The following APOB variants were observed in gnomAD, a reference collection of about 807,000 sequenced individuals.
APOB encodes apolipoprotein B-100.
In APOB, 153 loss-of-function variants were observed where a neutral mutation model predicts 314.1. The observed-to-expected ratio is 0.49, with a 90% CI of 0.43 to 0.56. The LOEUF (loss-of-function observed/expected upper bound fraction) is 0.56, where lower values mean the gene tolerates loss of function less well. Ranked by LOEUF, APOB falls within the 20% of genes least tolerant of loss-of-function variation. The pLI is 0.00. For missense variants in APOB, 5,430 were observed against 5,350.7 expected (o/e 1.01, Z -0.46); for synonymous variants, 2,087 against 2,036.4 (o/e 1.02, Z -0.67).
At position 21,004,414 on chromosome 2, in the gene APOB, G is replaced by A. The variant is rs886055575; in HGVS notation, c.11942C>T (p.Pro3981Leu). 5.6e-6 allele frequency: 9 copies of A among 1,613,868 alleles called. No homozygotes were observed. The highest frequency in any genetic ancestry group is 2.7e-5 in the African/African-American group (2 of 74,882). Residue 3981 changes from proline to leucine, a missense_variant, in exon 28 of 29, where the codon CCA becomes CTA. Physicochemically the swap from Pro to Leu is moderately conservative, Grantham distance 98. Coordinates refer to ENST00000233242, the MANE Select transcript of APOB (RefSeq NM_000384.3). Reference protein sequence around the residue: ...EGKAHLNIKSPAFTDLHLRYQ... With the variant: ...EGKAHLNIKSLAFTDLHLRYQ... The stretch of plus-strand genomic sequence containing the variant: ...GCGCAGATGGAGATCGGTGAACGCT[G>A]GGCTTTTGATATTGAGGTGCGCTTT...
In APOB at chr2:21,009,139, T is replaced by C. The variant is rs200231583; in HGVS notation, c.7729A>G (p.Met2577Val). ...QYSIQDWAKR[M>V]KALVEQGFTV... ...AACCCTTGCTCTACCAATGCTTTCA[T>C]ACGTTTAGCCCAATCTTGGATAGAA... The change falls in exon 26 of 29, where the codon ATG (methionine) becomes GTG (valine). Residue 2577 changes from methionine to valine, a missense_variant. By Grantham distance (21) the Met-to-Val change is conservative. Transcript: ENST00000233242. The C allele has an allele frequency of 1.2e-6, 2 of 1,614,060 alleles. No individual in the cohort carries two copies. Among genetic ancestry groups the C allele is most frequent in the Non-Finnish European group, 1.7e-6 (2 of 1,179,944 alleles).
rs1402554708 is a variant in APOB at position 21,004,449 on chromosome 2, T to G, written c.11907A>C (p.Glu3969Asp). 8 of 1,613,854 alleles carry G rather than the reference T, an allele frequency of 5.0e-6. No homozygotes were observed. The Admixed American group carries it at 5.0e-5, about 10-fold the overall frequency. Reference sequence around the variant, plus strand: ...TATTGAGGTGCGCTTTTCCTTCCCATTCCCTGAAAGCAGAAAAACAGATGA... The same window carrying G: ...TATTGAGGTGCGCTTTTCCTTCCCAGTCCCTGAAAGCAGAAAAACAGATGA... ...EEDGKYEGLQ[E>D]WEGKAHLNIK... is the part of the protein sequence containing the mutation. Residue 3969 changes from glutamate (E) to aspartate (D), a missense_variant, in exon 28 of 29, where the codon GAA becomes GAC. This residue lies in a region of APOB where 3,281 missense variants were observed against 3,171.0 expected (regional missense o/e 1.03). Transcript: ENST00000233242.
chr2:21,024,977 G>C lies in APOB; in HGVS notation c.2392C>G (p.Leu798Val). 1 of 1,614,196 alleles carries C rather than the reference G, an allele frequency of 6.2e-7. No homozygotes were observed. The highest frequency in any genetic ancestry group is 8.5e-7 in the Non-Finnish European group (1 of 1,180,038). The change falls in exon 16 of 29, where the codon CTG (leucine) becomes GTG (valine). Residue 798 changes from leucine (L) to valine (V), a missense_variant. Coordinates refer to ENST00000233242, the MANE Select transcript of APOB (RefSeq NM_000384.3). ...AGAGTGCGGGCACCCATCAGAAGCAGCTTTCCCAGGAGCTGGAGGTCATGG... is the reference window on the plus strand; with the variant it reads ...AGAGTGCGGGCACCCATCAGAAGCACCTTTCCCAGGAGCTGGAGGTCATGG... ...SLHDLQLLGK[L>V]LLMGARTLQG...
chr2:21,014,619 G>A (rs199793045), intron 23 of APOB, 26 bp from the exon 24 acceptor site: 3 of 1,613,810 alleles, frequency 1.9e-6, no homozygotes, highest in Non-Finnish European at 2.5e-6. Flanking sequence ...AGATTTTTAA[G>A]GTAATGGGCT....
At position 21,003,129 on chromosome 2, in the gene APOB, C is replaced by G. The variant is rs1187966685; in HGVS notation, c.12293G>C (p.Arg4098Thr). The change falls in exon 29 of 29, where the codon AGA becomes ACA. Residue 4098 changes from arginine to threonine, a missense_variant. Transcript: ENST00000233242. ...TCTTCTCAGCTTTGAAGACACTTCT[C>G]TCAGGGTGAGCCCTGTGTGTTCCCA... ...YHWEHTGLTL[R>T]EVSSKLRRNL... The G allele has an allele frequency of 1.2e-6, 2 of 1,608,278 alleles. No homozygotes were observed. The highest frequency in any genetic ancestry group is 1.7e-5 in the Admixed American group (1 of 59,438).
intron 18 of APOB, among the ~76,000 whole-genome samples, chr2:21,020,567 G>C (rs1263017305): frequency 6.6e-6 from 1 of 152,188 alleles, no homozygotes; most frequent in Non-Finnish European, 1.5e-5. Flanking sequence ...CTTCCATAGA[G>C]TTGCGCACTC....
rs1410760521 is a variant in APOB, at chr2:21,005,479, A to G, written c.11389T>C (p.Leu3797=). Residue 3797 remains leucine (L), a synonymous_variant, in exon 26 of 29, where the codon TTA becomes CTA. Transcript: ENST00000233242. ...PEVKFPEVDV[L]TKYSQPEDSL... is the part of the protein sequence containing the mutation. ...TCTTCTGGTTGAGAATATTTTGTTA[A>G]CACATCAACTTCAGGGAATTTTACC... 1.2e-6 allele frequency: 2 copies of G among 1,614,012 alleles called. No homozygotes were observed. Among genetic ancestry groups the G allele is most frequent in the South Asian group, 1.1e-5 (1 of 91,084 alleles).
chr2:21,027,803 AG>A, intron 14 of APOB, 24 bp downstream of exon 14: 3 of 1,564,210 alleles, frequency 1.9e-6, no homozygotes, highest in Non-Finnish European at 2.6e-6. Context: ...AATGGGCTAG[AG>A]AACCTCAAAC....
chr2:21,042,858 A>G (rs537356322), intron 2 of APOB, among the ~76,000 whole-genome samples: 1 of 151,990 alleles, frequency 6.6e-6, no homozygotes, highest in South Asian at 2.1e-4. Flanking sequence ...CCGTGACTCT[A>G]AGACTACCAA....
At position 21,011,932 on chromosome 2, in the gene APOB, T is replaced by A. The variant is rs1558565428; in HGVS notation, c.4936A>T (p.Arg1646Trp). The A allele has an allele frequency of 6.2e-7, 1 of 1,614,068 alleles. No homozygotes were observed. The highest frequency in any genetic ancestry group is 1.7e-5 in the Admixed American group (1 of 60,028). ...GTAGATATTCCATCTTGGCCAATCC[T>A]TAGTGTCGCCTTGTGAGCACCACTA... Reference protein sequence around the residue: ...INSGAHKATLRIGQDGISTSA... With the variant: ...INSGAHKATLWIGQDGISTSA... Residue 1646 changes from arginine to tryptophan, a missense_variant, in exon 26 of 29, where the codon AGG (arginine) becomes TGG (tryptophan). Transcript: ENST00000233242.
intron 13 of APOB, 85 bp from the exon 14 acceptor site, chr2:21,028,150 A>G (rs184298864): frequency 5.0e-6 from 6 of 1,191,816 alleles, no homozygotes; most frequent in South Asian, 4.9e-5. Context: ...TGGATTTCCA[A>G]TCACTACCAA....
At chr2:21,042,334 G>A (rs1186538403) in intron 3 of APOB, 27 bp downstream of exon 3, 1 of 1,569,488 alleles carries the variant, frequency 6.4e-7, no homozygotes, top group Admixed American at 1.7e-5. Context: ...GTGGGCTCTA[G>A]GTCCCTCCTG....
Position 21,027,831 on chromosome 2 carries a change from G to T in APOB, c.2064C>A (p.Ile688=). 2.5e-6 allele frequency: 4 copies of T among 1,607,762 alleles called. No individual in the cohort carries two copies. The highest frequency in any genetic ancestry group is 2.6e-6 in the Non-Finnish European group (3 of 1,174,224). The stretch of plus-strand genomic sequence containing the variant: ...ACCTCAAACTCTTCACACTTACCTC[G>T]ATGAGGTCAGCTGAAGCAAATCCAA... ...TAFGFASADL[I]EIGLEGKGFE... The change falls in exon 14 of 29, where the codon ATC becomes ATA. Residue 688 remains isoleucine, a synonymous_variant. Transcript: ENST00000233242.
At chr2:21,013,638 G>A in intron 24 of APOB, 105 bp from the exon 25 acceptor site, 1 of 1,515,302 alleles carries the variant, frequency 6.6e-7, no homozygotes, top group Non-Finnish European at 9.1e-7. Flanking sequence ...CATTCCCAAA[G>A]CCACTCTGCA....
chr2:21,040,218 C>G (rs1216459165), intron 4 of APOB, among the ~76,000 whole-genome samples: 1 of 152,210 alleles, frequency 6.6e-6, no homozygotes, highest in Non-Finnish European at 1.5e-5. Flanking sequence ...TCCCCAGCCA[C>G]GTGGAACTGT....
intron 3 of APOB, 33 bp from the exon 4 acceptor site, chr2:21,041,116 G>A (rs1374989666): frequency 6.2e-7 from 1 of 1,603,946 alleles, no homozygotes; most frequent in East Asian, 2.2e-5. Flanking sequence ...CATTGAGGTT[G>A]TCTATCAAGA....
At chr2:21,031,314 C>T (rs184011134) in intron 10 of APOB, among the ~76,000 whole-genome samples, 6 of 152,316 alleles carry the variant, frequency 3.9e-5, no homozygotes, top group African/African-American at 1.4e-4. Context: ...ATGGATGGAA[C>T]TGGAGGTCAT....
intron 9 of APOB, 90 bp from the exon 10 acceptor site, chr2:21,032,671 T>C (rs1217790415): frequency 2.0e-6 from 2 of 1,001,532 alleles, no homozygotes; most frequent in Non-Finnish European, 3.0e-6. Context: ...AGGAGAGCCC[T>C]TAATCACCTC....
Position 21,005,801 on chromosome 2 carries a change from C to G in APOB, c.11067G>C (p.Lys3689Asn). The change falls in exon 26 of 29, where the codon AAG (lysine) becomes AAC (asparagine). Residue 3689 changes from lysine to asparagine, a missense_variant. Physicochemically the swap from Lys to Asn is moderately conservative, Grantham distance 94. This residue lies in a region of APOB where 3,281 missense variants were observed against 3,171.0 expected (regional missense o/e 1.03). Transcript: ENST00000233242. ...TACCAATGCTGGTGGTTACATCCAG[C>G]TTTAGGAAATCCCATAAGCTCTTGT... ...VYDKSLWDFLKLDVTTSIGRR... is the reference protein window; with the variant it reads ...VYDKSLWDFLNLDVTTSIGRR... 6.2e-7 allele frequency: 1 copy of G among 1,614,022 alleles called. No individual in the cohort carries two copies.
Sources: allele counts gnomAD v4.1 joint callset (sites outside exome capture counted in the v4.1 genomes callset), GRCh38; gene constraint gnomAD v4.1.1; regional missense constraint gnomAD v4.1.1; transcripts MANE v1.5; gene names NCBI Gene and HGNC (gene_info 2026-07-23, HGNC 2026-07-21).